Variants in DSC3 observed in about 807,000 individuals in gnomAD.
DSC3 encodes the protein desmocollin 3.
DSC3 carries 97 observed loss-of-function variants against 89.5 expected under a neutral mutation model. The observed-to-expected ratio is 1.08, with a 90% CI of 0.92 to 1.28. The LOEUF (loss-of-function observed/expected upper bound fraction) is 1.28, where lower values mean the gene tolerates loss of function less well. DSC3 is among the 50% of genes most tolerant of loss of function. DSC3 has a pLI of 0.00. For synonymous variants in DSC3, 436 were observed against 384.1 expected (o/e 1.14, Z -1.58); for missense variants, 1,199 against 1,085.3 (o/e 1.10, Z -1.47).
At chr18:31,002,723 AG>A (rs1984707542) in intron 13 of DSC3, among the ~76,000 whole-genome samples, 1 of 151,698 alleles carries the variant, frequency 6.6e-6, no homozygotes, top group South Asian at 2.1e-4. Context: ...AAAGAAAGAA[AG>A]AAAAAAAAAA....
In DSC3 at chr18:30,996,717, T is replaced by A; in HGVS notation, c.2493+74A>T. 3.2e-6 allele frequency: 5 copies of A among 1,578,792 alleles called. No individual in the cohort carries two copies. In the South Asian group the frequency reaches 4.5e-5, roughly 14 times the overall value. On this transcript the variant is annotated intron_variant, in intron 15 of 15. Transcript: ENST00000360428. ...CCCACAGAAAAATACAGAAAATATATGTTAATTTGAATTGTCTATTTTTCT... is the reference window on the plus strand; with the variant it reads ...CCCACAGAAAAATACAGAAAATATAAGTTAATTTGAATTGTCTATTTTTCT...
intron 7 of DSC3, among the ~76,000 whole-genome samples, chr18:31,020,559 C>T (rs952155728): frequency 6.6e-6 from 1 of 152,052 alleles, no homozygotes; most frequent in Non-Finnish European, 1.5e-5. Context: ...GTTAGTCACG[C>T]TTTCATTCTT....
Position 31,004,173 on chromosome 18 carries a change from A to C in DSC3, c.2082T>G (p.Leu694=). ...TGVILGKWAI[L]AILLGIALLF... ...GCAGTGCTATACCCAGTAATATTGCAAGGATTGCCCATTTTCCAAGTATTA... is the reference window on the plus strand; with the variant it reads ...GCAGTGCTATACCCAGTAATATTGCCAGGATTGCCCATTTTCCAAGTATTA... The change falls in exon 13 of 16, where the codon CTT becomes CTG. Residue 694 remains leucine (L), a synonymous_variant. Coordinates refer to ENST00000360428, the MANE Select transcript of DSC3 (RefSeq NM_001941.5). 6 of 1,613,808 alleles carry C rather than the reference A, an allele frequency of 3.7e-6. No individual in the cohort carries two copies. Among genetic ancestry groups the C allele is most frequent in the Non-Finnish European group, 5.1e-6 (6 of 1,179,774 alleles).
intron 14 of DSC3, among the ~76,000 whole-genome samples, chr18:30,997,422 A>C (rs1984515363): frequency 6.6e-6 from 1 of 152,112 alleles, no homozygotes; most frequent in African/African-American, 2.4e-5. Flanking sequence ...CAGGGGGCTG[A>C]ACTTGCTTTT....
Position 30,994,331 on chromosome 18 carries a change from G to GGAT in DSC3, c.2532_2534dup (p.Ser845dup). 6.2e-7 allele frequency: 1 copy of GGAT among 1,613,882 alleles called. No individual in the cohort carries two copies. Among genetic ancestry groups the GGAT allele is most frequent in the Non-Finnish European group, 8.5e-7 (1 of 1,179,934 alleles). On this transcript the variant is annotated inframe_insertion, in exon 16 of 16. Coordinates refer to ENST00000360428, the MANE Select transcript of DSC3 (RefSeq NM_001941.5). ...AGTTATAAGTGAGGACATAATCTTG[G>GGAT]GATGGCATGCGGTCTTCATTCTGAT...
intron 14 of DSC3, among the ~76,000 whole-genome samples, chr18:31,000,543 C>T (rs1984618068): frequency 6.6e-6 from 1 of 152,156 alleles, no homozygotes. Flanking sequence ...GAAGTCCTAT[C>T]TCCCACTTGT....
chr18:31,001,811 T>G, intron 13 of DSC3, 72 bp from the exon 14 acceptor site: 1 of 1,256,232 alleles, frequency 8.0e-7, no homozygotes, highest in Non-Finnish European at 1.1e-6. Context: ...ATTTATTTCT[T>G]ACGACCTAAG....
chr18:31,040,216 T>C (rs1329276579), intron 1 of DSC3, among the ~76,000 whole-genome samples: 1 of 152,122 alleles, frequency 6.6e-6, no homozygotes, highest in Non-Finnish European at 1.5e-5. Context: ...GAGGAGCCCT[T>C]TTAACAAAAT....
At chr18:31,012,616 TA>T (rs1406004688) in intron 9 of DSC3, among the ~76,000 whole-genome samples, 1 of 152,194 alleles carries the variant, frequency 6.6e-6, no homozygotes, top group Admixed American at 6.6e-5. Flanking sequence ...AGAATTAGAA[TA>T]ACAACCACAT....
chr18:31,016,240 A>G (rs550341432), intron 9 of DSC3, among the ~76,000 whole-genome samples: 1 of 152,306 alleles, frequency 6.6e-6, no homozygotes, highest in Admixed American at 6.5e-5. Context: ...TACTCTGCCT[A>G]GTGAGCAGCC....
In DSC3 at chr18:31,030,999, T is replaced by C; in HGVS notation, c.328A>G (p.Thr110Ala). ...DKRKQTQKEVTVLLEHQKKVS... is the reference protein window; with the variant it reads ...DKRKQTQKEVAVLLEHQKKVS... ...TTCTTCTGATGTTCTAGCAGCACAG[T>C]AACCTCTTTCTGTGTCTGTTTCCTT... Residue 110 changes from threonine to alanine, a missense_variant, in exon 3 of 16, where the codon ACT becomes GCT. Coordinates refer to ENST00000360428, the MANE Select transcript of DSC3 (RefSeq NM_001941.5). 1 of 1,613,988 alleles carries C rather than the reference T, an allele frequency of 6.2e-7. No homozygotes were observed.
At chr18:31,041,298 A>T (rs1303865533) in intron 1 of DSC3, among the ~76,000 whole-genome samples, 1 of 152,250 alleles carries the variant, frequency 6.6e-6, no homozygotes, top group Non-Finnish European at 1.5e-5. Flanking sequence ...ACAAAAGAAC[A>T]CATTCTCTAA....
In DSC3 at chr18:30,992,132, C is replaced by T. The variant is rs367548350; in HGVS notation, c.*2043G>A. 1 of 132,514 alleles carries T rather than the reference C, an allele frequency of 7.5e-6. No individual in the cohort carries two copies. Among genetic ancestry groups the T allele is most frequent in the African/African-American group, 2.9e-5 (1 of 34,322 alleles). The allele number at this position is 132,514 out of a possible 1,614,324, so 8.2% of individuals were successfully genotyped here. On this transcript the variant is annotated 3_prime_UTR_variant, in exon 16 of 16. Coordinates refer to ENST00000360428, the MANE Select transcript of DSC3 (RefSeq NM_001941.5). ...GTGAGCAGAGATCGGAGCCACTGCA[C>T]TCCAGCCTGTGCGTCAGAGCGAGAC... is the stretch of plus-strand genomic sequence containing the variant.
intron 1 of DSC3, among the ~76,000 whole-genome samples, chr18:31,035,444 T>C (rs932112260): frequency 1.3e-5 from 2 of 151,872 alleles, no homozygotes; most frequent in African/African-American, 4.8e-5. Context: ...AATAAGTCAT[T>C]TGCCCTTTAA....
In DSC3 at chr18:31,015,062, G is replaced by A. The variant is rs372416789; in HGVS notation, c.1263+3009C>T. On this transcript the variant is annotated intron_variant, in intron 9 of 15. Transcript: ENST00000360428. ...TGACATAAAAGGAACTTGATTCATGGTAGCTACTTTTAAAATTCTAAAAAT... is the reference window on the plus strand; with the variant it reads ...TGACATAAAAGGAACTTGATTCATGATAGCTACTTTTAAAATTCTAAAAAT... Among the ~76,000 whole-genome samples the A allele has an allele frequency of 7.8e-4, 119 of 152,208 alleles. 1 individual carries two copies. Among genetic ancestry groups the A allele is most frequent in the African/African-American group, 2.8e-3 (116 of 41,546 alleles).
intron 1 of DSC3, among the ~76,000 whole-genome samples, chr18:31,035,333 A>G (rs1357335798): frequency 1.3e-5 from 2 of 152,086 alleles, no homozygotes; most frequent in Non-Finnish European, 2.9e-5. Context: ...AATATGGACA[A>G]ATAGGGCCAA....
chr18:31,033,889 T>G (rs1282820333), intron 1 of DSC3, among the ~76,000 whole-genome samples: 1 of 152,200 alleles, frequency 6.6e-6, no homozygotes, highest in African/African-American at 2.4e-5. Context: ...AGTGGCACGA[T>G]CTAGGCTCCC....
chr18:31,042,098 CA>C (rs1567964728), intron 1 of DSC3, among the ~76,000 whole-genome samples: 1 of 152,122 alleles, frequency 6.6e-6, no homozygotes, highest in Non-Finnish European at 1.5e-5. Context: ...CCAAGGGACC[CA>C]GGGACACAGC....
intron 1 of DSC3, among the ~76,000 whole-genome samples, chr18:31,034,661 T>A (rs1372926928): frequency 6.6e-6 from 1 of 152,200 alleles, no homozygotes; most frequent in African/African-American, 2.4e-5. Flanking sequence ...AAGTACTTTA[T>A]TAAGTTCTAT....
Sources: allele counts gnomAD v4.1 joint callset (sites outside exome capture counted in the v4.1 genomes callset), GRCh38; gene constraint gnomAD v4.1.1; transcripts MANE v1.5; gene names NCBI Gene and HGNC (gene_info 2026-07-23, HGNC 2026-07-21).